Variants in ASAP1 observed in about 807,000 individuals in gnomAD.
The protein encoded by ASAP1 is arf-GAP with SH3 domain, ANK repeat and PH domain-containing protein 1.
Under a neutral mutation model 145.2 loss-of-function variants are expected in ASAP1, and 43 were observed. That is an observed-to-expected ratio of 0.30 (90% CI 0.23 to 0.38). The LOEUF (loss-of-function observed/expected upper bound fraction) is 0.38, where lower values mean the gene tolerates loss of function less well. Among genes scored for constraint, ASAP1 ranks in the 10% least tolerant of loss-of-function variants. The pLI is 1.00. For synonymous variants in ASAP1, 546 were observed against 515.5 expected, an observed-to-expected ratio of 1.06 and a Z score of -0.80; for missense variants, 1,018 against 1,355.3, an observed-to-expected ratio of 0.75 and a Z score of 3.91.
intron 2 of ASAP1, among the ~76,000 whole-genome samples, chr8:130,382,193 G>A (rs1470195068): frequency 6.7e-6 from 1 of 148,522 alleles, no homozygotes; most frequent in Non-Finnish European, 1.5e-5. Flanking sequence ...GGCTGAGGCA[G>A]GAGAATGGTG....
intron 7 of ASAP1, among the ~76,000 whole-genome samples, chr8:130,182,943 A>T (rs1212201565): frequency 2.6e-5 from 4 of 151,782 alleles, no homozygotes; most frequent in Admixed American, 6.5e-5. Flanking sequence ...TGAAAAAATA[A>T]CCTAAAATAT....
intron 12 of ASAP1, among the ~76,000 whole-genome samples, chr8:130,154,363 G>A (rs952986573): frequency 1.3e-5 from 2 of 152,224 alleles, no homozygotes; most frequent in Admixed American, 6.5e-5. Context: ...ATTAAAACTT[G>A]GAAGAGTTTT....
At chr8:130,138,994 A>G (rs1480054487) in intron 13 of ASAP1, among the ~76,000 whole-genome samples, 1 of 152,168 alleles carries the variant, frequency 6.6e-6, no homozygotes, top group Non-Finnish European at 1.5e-5. Flanking sequence ...AAAATTGCTG[A>G]CTTTCTCATA....
At chr8:130,245,472 A>C (rs1332148035) in intron 3 of ASAP1, among the ~76,000 whole-genome samples, 1 of 152,156 alleles carries the variant, frequency 6.6e-6, no homozygotes, top group Non-Finnish European at 1.5e-5. Flanking sequence ...GTTACTTCAC[A>C]GTTCAGATCC....
chr8:130,257,024 A>G (rs1179486459), intron 3 of ASAP1, among the ~76,000 whole-genome samples: 2 of 151,788 alleles, frequency 1.3e-5, no homozygotes, highest in African/African-American at 4.8e-5. Context: ...TTCCCACACT[A>G]TATCAATGTA....
intron 11 of ASAP1, chr8:130,160,864 A>C (rs1266714855): frequency 3.5e-6 from 4 of 1,141,678 alleles, no homozygotes; most frequent in Middle Eastern, 2.5e-4. Context: ...AATTTCATTG[A>C]AAATGTTATC....
At chr8:130,402,542 A>G (rs1828843015) in intron 1 of ASAP1, among the ~76,000 whole-genome samples, 1 of 152,216 alleles carries the variant, frequency 6.6e-6, no homozygotes, top group South Asian at 2.1e-4. Context: ...ACATAAGGGA[A>G]CAGCTTCAAT....
At chr8:130,214,489 GTTC>G (rs1816771235) in intron 5 of ASAP1, 64 bp downstream of exon 5, 2 of 1,401,152 alleles carry the variant, frequency 1.4e-6, no homozygotes, top group Non-Finnish European at 1.9e-6. Context: ...TTATTGAAAT[GTTC>G]TCTATATGAC....
chr8:130,250,418 C>T (rs116646547), intron 3 of ASAP1, among the ~76,000 whole-genome samples: 2,378 of 152,234 alleles, frequency 0.016, 34 homozygotes, highest in East Asian at 0.053. Flanking sequence ...ATGTTTTATT[C>T]TACTTTTTGT....
chr8:130,416,632 C>G (rs986317335), intron 1 of ASAP1, among the ~76,000 whole-genome samples: 1 of 152,214 alleles, frequency 6.6e-6, no homozygotes, highest in African/African-American at 2.4e-5. Context: ...TTTCCGAACC[C>G]TATTTCCCCT....
At chr8:130,074,719 G>A (rs2097458433) in intron 27 of ASAP1, among the ~76,000 whole-genome samples, 1 of 152,218 alleles carries the variant, frequency 6.6e-6, no homozygotes, top group Non-Finnish European at 1.5e-5. Flanking sequence ...CTCCTGTGCT[G>A]ACTCAATGAG....
intron 3 of ASAP1, among the ~76,000 whole-genome samples, chr8:130,320,392 T>C (rs1260510516): frequency 6.6e-6 from 1 of 151,912 alleles, no homozygotes; most frequent in Non-Finnish European, 1.5e-5. Context: ...CCCATCTCTA[T>C]AAAAAATACA....
intron 2 of ASAP1, among the ~76,000 whole-genome samples, chr8:130,363,610 A>G (rs991700241): frequency 6.6e-6 from 1 of 152,166 alleles, no homozygotes; most frequent in Admixed American, 6.5e-5. Context: ...ATTGGTGGTT[A>G]TATATGTAAT....
At position 130,072,790 on chromosome 8, in the gene ASAP1, G is replaced by GGTGTGTGTGTGT. The variant is rs142924621; in HGVS notation, c.2701+3557_2701+3558insACACACACACAC. Reference sequence around the variant, plus strand: ...GTTCTGAAGGCCTGGACTTGCAATTGATATGTGTGTGTGTGTGTGTGTGTG... The same window carrying GGTGTGTGTGTGT: ...GTTCTGAAGGCCTGGACTTGCAATTGGTGTGTGTGTGTATATGTGTGTGTGTGTGTGTGTGTG... On this transcript the variant is annotated intron_variant, in intron 27 of 29. Transcript: ENST00000518721. Among the ~76,000 whole-genome samples, 370 of 65,996 alleles carry GGTGTGTGTGTGT rather than the reference G, an allele frequency of 5.6e-3. 31 individuals are homozygous for GGTGTGTGTGTGT. Among genetic ancestry groups the GGTGTGTGTGTGT allele is most frequent in the Middle Eastern group, 0.025 (3 of 120 alleles). The allele number at this position is 65,996 out of a possible 152,430, so 43.3% of individuals were successfully genotyped here.
chr8:130,060,789 C>A lies in ASAP1; in HGVS notation c.2982G>T (p.Gln994His). 1 of 1,614,070 alleles carries A rather than the reference C, an allele frequency of 6.2e-7. No homozygotes were observed. The highest frequency in any genetic ancestry group is 8.5e-7 in the Non-Finnish European group (1 of 1,180,018). ...PQMKDLPPKP[Q>H]LGDLLAKSQT... ...GGGATTTTGCTAGCAGGTCTCCCAG[C>A]TGTGGTTTGGGGGGCAGGTCCTTCA... is the stretch of plus-strand genomic sequence containing the variant. Residue 994 changes from glutamine (Q) to histidine (H), a missense_variant, in exon 28 of 30, where the codon CAG (glutamine) becomes CAT (histidine). Gln to His is a conservative substitution (Grantham distance 24). Coordinates refer to ENST00000518721, the MANE Select transcript of ASAP1 (RefSeq NM_018482.4).
chr8:130,300,836 T>G (rs1048808190), intron 3 of ASAP1, among the ~76,000 whole-genome samples: 12 of 152,224 alleles, frequency 7.9e-5, no homozygotes, highest in African/African-American at 2.9e-4. Context: ...CATCCAAATC[T>G]TTATCTGCTG....
chr8:130,074,554 T>C (rs928892797), intron 27 of ASAP1, among the ~76,000 whole-genome samples: 1 of 151,024 alleles, frequency 6.6e-6, no homozygotes, highest in Non-Finnish European at 1.5e-5. Context: ...GTATTGACAG[T>C]AGGCCTGCCC....
At chr8:130,399,848 C>A (rs1453691119) in intron 2 of ASAP1, among the ~76,000 whole-genome samples, 1 of 120,666 alleles carries the variant, frequency 8.3e-6, no homozygotes, top group Non-Finnish European at 1.7e-5. Flanking sequence ...CAGAGTTTCG[C>A]TCTTGTTGCC....
At chr8:130,364,097 T>A (rs1826841078) in intron 2 of ASAP1, among the ~76,000 whole-genome samples, 1 of 152,192 alleles carries the variant, frequency 6.6e-6, no homozygotes, top group Non-Finnish European at 1.5e-5. Context: ...CCAAATGTAC[T>A]TAATTCAATT....
Sources: gnomAD v4.1 joint callset for allele counts (sites outside exome capture counted in the v4.1 genomes callset) on GRCh38, gnomAD v4.1.1 for gene constraint, MANE v1.5 for transcripts, NCBI Gene and HGNC (gene_info 2026-07-23, HGNC 2026-07-21) for gene names.